Variants in GPATCH8 observed in about 807,000 individuals in gnomAD.
GPATCH8 encodes G patch domain-containing protein 8.
A neutral mutation model predicts 118.3 loss-of-function variants in GPATCH8; 18 were observed. The observed-to-expected ratio is 0.15, with a 90% confidence interval of 0.11 to 0.23. The LOEUF (loss-of-function observed/expected upper bound fraction) is 0.23, where lower values mean the gene tolerates loss of function less well. Ranked by LOEUF, GPATCH8 falls within the 10% of genes least tolerant of loss-of-function variation. The pLI, the probability that GPATCH8 is intolerant of heterozygous loss-of-function variation, is 1.00. For synonymous variants in GPATCH8, 659 were observed against 684.7 expected, an observed-to-expected ratio of 0.96 and a Z score of 0.59; for missense variants, 1,631 against 1,873.8, an observed-to-expected ratio of 0.87 and a Z score of 2.39.
intron 1 of GPATCH8, 140 bp downstream of exon 1, chr17:44,503,186 G>A: frequency 1.3e-6 from 1 of 777,706 alleles, no homozygotes. Context: ...GGCCTCTTGA[G>A]AAAGCAGAGA....
chr17:44,450,650 A>G (rs1457198857), intron 3 of GPATCH8, among the ~76,000 whole-genome samples: 2 of 152,210 alleles, frequency 1.3e-5, no homozygotes, highest in African/African-American at 4.8e-5. Context: ...CATTGTTTTG[A>G]ATTTTGGTGG....
At position 44,465,702 on chromosome 17, in the gene GPATCH8, T is replaced by C. The variant is rs557142992; in HGVS notation, c.121-1158A>G. The C allele has an allele frequency of 1.7e-4, 26 of 152,330 alleles. 2 individuals carry two copies. The South Asian group carries it at 5.0e-3, about 29-fold the overall frequency. 9.4% of individuals were successfully genotyped at this position (152,330 alleles called of 1,614,324 possible). ...GTTAGCAGAAAACAAAGGTAAATCA[T>C]TTGAAAATCCCATATTTCCTGAAAT... On this transcript the variant is annotated intron_variant, in intron 2 of 7. Coordinates refer to ENST00000591680, the MANE Select transcript of GPATCH8 (RefSeq NM_001002909.4).
At position 44,399,946 on chromosome 17, in the gene GPATCH8, G is replaced by A. The variant is rs868300404; in HGVS notation, c.2131C>T (p.Arg711Cys). 7.4e-6 allele frequency: 12 copies of A among 1,613,932 alleles called. No homozygotes were observed. Among genetic ancestry groups the A allele is most frequent in the Non-Finnish European group, 9.3e-6 (11 of 1,179,972 alleles). The change falls in exon 8 of 8, where the codon CGC becomes TGC. Residue 711 changes from arginine (R) to cysteine (C), a missense_variant. Physicochemically the swap from Arg to Cys is radical, Grantham distance 180. Coordinates refer to ENST00000591680, the MANE Select transcript of GPATCH8 (RefSeq NM_001002909.4). ...TTCTTCTTTCGTTTTCGTTTCTTGC[G>A]CTTCTTAGATTTCTCCCCTGACTCT... ...KAESGEKSKK[R>C]KKRKRKKNKS...
chr17:44,413,799 T>C (rs2049543178), intron 6 of GPATCH8, among the ~76,000 whole-genome samples: 1 of 152,044 alleles, frequency 6.6e-6, no homozygotes, highest in Non-Finnish European at 1.5e-5. Context: ...TTTGTATTTT[T>C]AGTAGAGATG....
At position 44,399,918 on chromosome 17, in the gene GPATCH8, T is replaced by A; in HGVS notation, c.2159A>T (p.Lys720Met). 2 of 1,614,000 alleles carry A rather than the reference T, an allele frequency of 1.2e-6. No homozygotes were observed. Among genetic ancestry groups the A allele is most frequent in the Non-Finnish European group, 1.7e-6 (2 of 1,179,946 alleles). ...TTCAGAATCTGCTGGGGCTGATGACTTATTCTTCTTTCGTTTTCGTTTCTT... is the reference window on the plus strand; with the variant it reads ...TTCAGAATCTGCTGGGGCTGATGACATATTCTTCTTTCGTTTTCGTTTCTT... ...KRKKRKRKKN[K>M]SSAPADSERG... The change falls in exon 8 of 8, where the codon AAG becomes ATG. Residue 720 changes from lysine to methionine, a missense_variant. Around this residue, in one of 8 missense-constraint regions of GPATCH8, gnomAD observed 922 missense variants for 879.7 expected, o/e 1.05. Coordinates refer to ENST00000591680, the MANE Select transcript of GPATCH8 (RefSeq NM_001002909.4).
At chr17:44,432,186 G>T (rs931818180) in intron 5 of GPATCH8, among the ~76,000 whole-genome samples, 4 of 152,074 alleles carry the variant, frequency 2.6e-5, no homozygotes, top group African/African-American at 4.8e-5. Flanking sequence ...ATAAGACAGG[G>T]AGAGTTAGGA....
chr17:44,478,522 ACCTATAGTCCTAGT>A (rs759467135), intron 1 of GPATCH8, among the ~76,000 whole-genome samples: 1 of 152,076 alleles, frequency 6.6e-6, no homozygotes, highest in East Asian at 1.9e-4. Flanking sequence ...GGTGGTGTGT[ACCTATAGTCCTAGT>A]CCTATAGTCC....
At chr17:44,498,494 C>A (rs1442024568) in intron 1 of GPATCH8, among the ~76,000 whole-genome samples, 1 of 152,212 alleles carries the variant, frequency 6.6e-6, no homozygotes, top group Admixed American at 6.5e-5. Flanking sequence ...CCCTTCAAAT[C>A]ACCTCCAGGG....
chr17:44,427,081 A>G (rs2050117000), intron 5 of GPATCH8, among the ~76,000 whole-genome samples: 1 of 146,296 alleles, frequency 6.8e-6, no homozygotes, highest in South Asian at 2.1e-4. Flanking sequence ...TAATATTACT[A>G]TTTTTTTTTT....
chr17:44,470,085 G>C (rs1183859776), intron 2 of GPATCH8, among the ~76,000 whole-genome samples: 1 of 152,236 alleles, frequency 6.6e-6, no homozygotes, highest in African/African-American at 2.4e-5. Context: ...CAGTCAGGTA[G>C]AGCAAGGACC....
intron 5 of GPATCH8, among the ~76,000 whole-genome samples, chr17:44,427,216 C>A (rs1402805601): frequency 5.3e-5 from 8 of 151,930 alleles, no homozygotes; most frequent in African/African-American, 1.7e-4. Flanking sequence ...GCTAGGACCA[C>A]AGGGGCATGC....
intron 5 of GPATCH8, among the ~76,000 whole-genome samples, chr17:44,430,439 G>T (rs1213941561): frequency 6.6e-6 from 1 of 152,040 alleles, no homozygotes; most frequent in Non-Finnish European, 1.5e-5. Context: ...AACCCACAAG[G>T]TTATCTCAGT....
intron 3 of GPATCH8, among the ~76,000 whole-genome samples, chr17:44,454,831 C>T (rs1160216517): frequency 6.6e-6 from 1 of 152,244 alleles, no homozygotes; most frequent in African/African-American, 2.4e-5. Context: ...ATATTTATTC[C>T]ATTAAAAAGG....
intron 6 of GPATCH8, among the ~76,000 whole-genome samples, chr17:44,406,364 C>T (rs2049221326): frequency 1.3e-5 from 2 of 151,830 alleles, no homozygotes. Flanking sequence ...CCTGCTCCTC[C>T]AGGATGCAAA....
chr17:44,409,020 G>A (rs562970041), intron 6 of GPATCH8: 1 of 152,298 alleles, frequency 6.6e-6, no homozygotes, highest in East Asian at 1.9e-4. Flanking sequence ...TATACTTGTG[G>A]TTTCTCTCAG....
At chr17:44,428,908 G>A (rs370641263) in intron 5 of GPATCH8, among the ~76,000 whole-genome samples, 1 of 151,994 alleles carries the variant, frequency 6.6e-6, no homozygotes, top group African/African-American at 2.4e-5. Context: ...GTGGGAGGCC[G>A]AGGTGGGCGG....
chr17:44,451,776 A>G (rs1370739946), intron 3 of GPATCH8, among the ~76,000 whole-genome samples: 3 of 152,324 alleles, frequency 2.0e-5, no homozygotes, highest in East Asian at 1.9e-4. Flanking sequence ...CTACGAGAAT[A>G]TATCACATTC....
intron 3 of GPATCH8, among the ~76,000 whole-genome samples, chr17:44,452,000 G>A (rs936644924): frequency 6.6e-6 from 1 of 152,134 alleles, no homozygotes; most frequent in African/African-American, 2.4e-5. Context: ...GCTGGGCGTG[G>A]TGGCTTAAGC....
chr17:44,441,585 G>A (rs1261149473), intron 3 of GPATCH8, among the ~76,000 whole-genome samples: 2 of 150,956 alleles, frequency 1.3e-5, no homozygotes, highest in Non-Finnish European at 3.0e-5. Context: ...TTAGCTGGGC[G>A]TGGTGGCGGG....
Sources: gnomAD v4.1 joint callset for allele counts (sites outside exome capture counted in the v4.1 genomes callset) on GRCh38, gnomAD v4.1.1 for gene constraint, gnomAD v4.1.1 regional missense constraint, MANE v1.5 for transcripts, NCBI Gene and HGNC (gene_info 2026-07-23, HGNC 2026-07-21) for gene names.